NUDC: variants seen among roughly 807,000 people sequenced by gnomAD.
NUDC encodes the protein nuclear migration protein nudC.
A neutral mutation model predicts 45.0 loss-of-function variants in NUDC; 14 were observed. The observed-to-expected ratio is 0.31, with a 90% CI of 0.21 to 0.49. NUDC has a LOEUF of 0.49. Among genes scored for constraint, NUDC ranks in the 20% least tolerant of loss-of-function variants. The probability of loss-of-function intolerance (pLI) is 0.99; values close to 1 mark genes in which losing one functional copy is unlikely to be tolerated. For synonymous variants in NUDC, 153 were observed against 156.7 expected (o/e 0.98, Z 0.17); for missense variants, 323 against 426.2 (o/e 0.76, Z 2.13).
chr1:26,925,814 C>G (rs149446588), intron 2 of NUDC, among the ~76,000 whole-genome samples: 1 of 149,852 alleles, frequency 6.7e-6, no homozygotes, highest in South Asian at 2.1e-4. Flanking sequence ...CTCCGCCTTG[C>G]GAGTTCAAGC....
chr1:26,931,022 A>G (rs2082178694), intron 2 of NUDC, among the ~76,000 whole-genome samples: 1 of 152,032 alleles, frequency 6.6e-6, no homozygotes, highest in Non-Finnish European at 1.5e-5. Flanking sequence ...TCTCAGAAAA[A>G]AAGTGTGGTA....
chr1:26,928,971 C>T (rs1297339033), intron 2 of NUDC, among the ~76,000 whole-genome samples: 1 of 152,164 alleles, frequency 6.6e-6, no homozygotes, highest in African/African-American at 2.4e-5. Flanking sequence ...CCCATGTTCA[C>T]AGCAGCCTTA....
intron 1 of NUDC, chr1:26,922,351 C>T (rs1458374142): frequency 3.9e-6 from 1 of 253,980 alleles, no homozygotes; most frequent in Non-Finnish European, 7.8e-6. Context: ...CTTGTTAGGC[C>T]TTGAATGGGG....
At chr1:26,938,920 G>A (rs1306814717) in intron 2 of NUDC, among the ~76,000 whole-genome samples, 2 of 152,206 alleles carry the variant, frequency 1.3e-5, no homozygotes, top group African/African-American at 4.8e-5. Context: ...ACACTTGACT[G>A]GTCATGGAGG....
chr1:26,939,561 G>A (rs1295005598), intron 2 of NUDC, among the ~76,000 whole-genome samples: 3 of 152,044 alleles, frequency 2.0e-5, no homozygotes, highest in Non-Finnish European at 4.4e-5. Context: ...CAGGGAGGTC[G>A]AATGCATTCC....
At position 26,941,540 on chromosome 1, in the gene NUDC, G is replaced by T. The variant is rs2082276428; in HGVS notation, c.243G>T (p.Arg81=). ...AGAGAGCCCGGCAGGAGGCCGAGCG[G>T]CGGGAGAAGGCGGAGCGGGCGGCCA... ...REKRARQEAE[R]REKAERAARL... is the part of the protein sequence containing the mutation. The change falls in exon 3 of 9, where the codon CGG becomes CGT. Residue 81 remains arginine, a synonymous_variant. Coordinates refer to ENST00000321265, the MANE Select transcript of NUDC (RefSeq NM_006600.4). The T allele has an allele frequency of 6.2e-7, 1 of 1,612,302 alleles. No individual in the cohort carries two copies. Among genetic ancestry groups the T allele is most frequent in the Non-Finnish European group, 8.5e-7 (1 of 1,179,380 alleles).
At chr1:26,934,101 C>T (rs1309167311) in intron 2 of NUDC, among the ~76,000 whole-genome samples, 3 of 152,226 alleles carry the variant, frequency 2.0e-5, no homozygotes, top group South Asian at 2.1e-4. Context: ...TGCAGTGAGT[C>T]GAGATTGTGC....
rs57409245 is a variant in NUDC at position 26,914,975 on chromosome 1, ATATATGTATATGTATATG to A, written c.93+3764_93+3781del. On this transcript the variant is annotated intron_variant, in intron 3 of 6. Transcript: ENST00000435827. ...GAGCAAGATCCTGTCTCAAAAAAATATATATGTATATGTATATGTATATGTATATGTATATGTATATTT... is the reference window on the plus strand; with the variant it reads ...GAGCAAGATCCTGTCTCAAAAAAATATATATGTATATGTATATGTATATTT... 1.1e-3 allele frequency among the ~76,000 whole-genome samples: 153 copies of A among 141,310 alleles called. 1 individual carries two copies. The highest frequency in any genetic ancestry group is 3.2e-3 in the East Asian group (16 of 4,974). The allele number at this position is 141,310 out of a possible 152,430, so 92.7% of individuals were successfully genotyped here.
chr1:26,942,874 G>T lies in NUDC; in HGVS notation c.550G>T (p.Ala184Ser). The change falls in exon 6 of 9, where the codon GCG (alanine) becomes TCG (serine). Residue 184 changes from alanine (A) to serine (S), a missense_variant. Around this residue, in one of 3 missense-constraint regions of NUDC, gnomAD observed 245 missense variants for 278.8 expected, o/e 0.88. Coordinates refer to ENST00000321265, the MANE Select transcript of NUDC (RefSeq NM_006600.4). ...WTQTLSELDL[A>S]VPFCVNFRLK... ...TGACTGCCTCTGCCCTATGCAGCTG[G>T]CGGTCCCTTTCTGTGTGAACTTCCG... 1 of 1,613,754 alleles carries T rather than the reference G, an allele frequency of 6.2e-7. No individual in the cohort carries two copies. Among genetic ancestry groups the T allele is most frequent in the Non-Finnish European group, 8.5e-7 (1 of 1,180,032 alleles).
chr1:26,910,675 G>A (rs1351136831), intron 2 of NUDC, among the ~76,000 whole-genome samples: 1 of 152,200 alleles, frequency 6.6e-6, no homozygotes, highest in Non-Finnish European at 1.5e-5. Flanking sequence ...CTATAGGCAT[G>A]TGTGTTGTTA....
intron 8 of NUDC, 71 bp from the exon 9 acceptor site, chr1:26,946,059 G>C: frequency 6.9e-7 from 1 of 1,450,174 alleles, no homozygotes; most frequent in Non-Finnish European, 9.7e-7. Context: ...GACTTGACAC[G>C]GGGGTGCTGG....
At chr1:26,919,957 G>A (rs2082080535), upstream of NUDC, among the ~76,000 whole-genome samples, 1 of 152,174 alleles carries the variant, frequency 6.6e-6, no homozygotes, top group Non-Finnish European at 1.5e-5. Flanking sequence ...CTGCCCTCAA[G>A]AGCCCTCAGT....
At chr1:26,936,134 A>AATAT (rs1215586103) in intron 2 of NUDC, among the ~76,000 whole-genome samples, 361 of 6,792 alleles carry the variant, frequency 0.053, 53 homozygotes, top group Non-Finnish European at 0.072. Flanking sequence ...ACGCCCGGCT[A>AATAT]ATATATATAT....
chr1:26,927,569 C>T (rs142705662), intron 2 of NUDC, among the ~76,000 whole-genome samples: 25 of 151,452 alleles, frequency 1.7e-4, no homozygotes, highest in African/African-American at 6.1e-4. Flanking sequence ...GGCTAATTTT[C>T]GTATTTTTAG....
chr1:26,927,309 G>A (rs1194214628), intron 2 of NUDC, among the ~76,000 whole-genome samples: 1 of 150,834 alleles, frequency 6.6e-6, no homozygotes, highest in African/African-American at 2.4e-5. Context: ...GTGTGTCAGG[G>A]TCTTGCTCTG....
intron 2 of NUDC, among the ~76,000 whole-genome samples, chr1:26,936,794 C>T (rs1026146127): frequency 2.6e-5 from 4 of 152,018 alleles, no homozygotes; most frequent in Admixed American, 6.6e-5. Flanking sequence ...TTACTCACAG[C>T]CGTTCTGACA....
exon 2 of NUDC, chr1:26,902,352 T>C (rs529500010): frequency 5.9e-5 from 9 of 152,360 alleles, no homozygotes; most frequent in African/African-American, 2.2e-4. Context: ...CTCCTGAGAA[T>C]AGGCTGGCTT....
At chr1:26,940,198 C>T (rs547922809) in intron 2 of NUDC, among the ~76,000 whole-genome samples, 101 of 151,318 alleles carry the variant, frequency 6.7e-4, no homozygotes, top group Non-Finnish European at 1.2e-3. Context: ...GCACTTTGAC[C>T]GGGCACGGTG....
At chr1:26,945,116 G>A in intron 6 of NUDC, 1 of 558,958 alleles carries the variant, frequency 1.8e-6, no homozygotes, top group South Asian at 2.1e-5. Context: ...CTCAGCCCGA[G>A]TGTCACTTTC....
Sources: gnomAD v4.1 joint callset for allele counts (sites outside exome capture counted in the v4.1 genomes callset) on GRCh38, gnomAD v4.1.1 for gene constraint, gnomAD v4.1.1 regional missense constraint, MANE v1.5 for transcripts, NCBI Gene and HGNC (gene_info 2026-07-23, HGNC 2026-07-21) for gene names.